Variants in CLEC19A observed in about 807,000 individuals in gnomAD.
The protein encoded by CLEC19A is C-type lectin domain family 19 member A.
A neutral mutation model predicts 26.1 loss-of-function variants in CLEC19A; 21 were observed. That is an observed-to-expected ratio of 0.80 (90% CI 0.57 to 1.16). The LOEUF is 1.16. Among genes scored for constraint, CLEC19A ranks in the 50% most tolerant of loss-of-function variants. CLEC19A has a pLI of 0.00. For missense variants in CLEC19A, 224 were observed against 227.6 expected (o/e 0.98, Z 0.10); for synonymous variants, 89 against 88.6 (o/e 1.00, Z -0.03).
chr16:19,300,519 G>T (rs1231188229), intron 2 of CLEC19A, among the ~76,000 whole-genome samples: 1 of 149,638 alleles, frequency 6.7e-6, no homozygotes, highest in Non-Finnish European at 1.5e-5. Context: ...CTGCACTCCA[G>T]TCTAGGTGAC....
At chr16:19,296,749 C>T (rs1174923719) in intron 1 of CLEC19A, among the ~76,000 whole-genome samples, 3 of 152,184 alleles carry the variant, frequency 2.0e-5, no homozygotes, top group Non-Finnish European at 1.5e-5. Context: ...TCAATGAATG[C>T]TGTTCACTAC....
At chr16:19,287,577 C>T (rs1283240856) in intron 1 of CLEC19A, among the ~76,000 whole-genome samples, 91 of 152,308 alleles carry the variant, frequency 6.0e-4, no homozygotes, top group Non-Finnish European at 1.0e-4. Context: ...ACAAAATATC[C>T]TTGCAGACTG....
chr16:19,286,299 A>T (rs1373366162), intron 1 of CLEC19A, among the ~76,000 whole-genome samples: 1 of 152,256 alleles, frequency 6.6e-6, no homozygotes, highest in Non-Finnish European at 1.5e-5. Flanking sequence ...CTGGCACTAC[A>T]GGAAGATCTG....
intron 1 of CLEC19A, among the ~76,000 whole-genome samples, chr16:19,297,746 A>G (rs1233265433): frequency 6.6e-6 from 1 of 152,226 alleles, no homozygotes; most frequent in Non-Finnish European, 1.5e-5. Flanking sequence ...GTAGAGTACC[A>G]TATAATCACA....
At chr16:19,293,750 C>A (rs1430244045) in intron 1 of CLEC19A, among the ~76,000 whole-genome samples, 3 of 123,246 alleles carry the variant, frequency 2.4e-5, no homozygotes, top group African/African-American at 8.7e-5. Context: ...GCCGCTGCGA[C>A]CAGCCTAATT....
At chr16:19,286,725 A>G (rs1567250400) in intron 1 of CLEC19A, among the ~76,000 whole-genome samples, 2 of 152,144 alleles carry the variant, frequency 1.3e-5, no homozygotes, top group East Asian at 3.8e-4. Flanking sequence ...GTTTATGTTC[A>G]TATATGGATT....
intron 1 of CLEC19A, 43 bp downstream of exon 1, chr16:19,285,982 C>T: frequency 1.3e-6 from 2 of 1,517,668 alleles, no homozygotes; most frequent in East Asian, 2.5e-5. Context: ...GAGAGGAGTA[C>T]ACTCTCAGGA....
intron 1 of CLEC19A, among the ~76,000 whole-genome samples, chr16:19,290,462 G>T (rs1325452490): frequency 6.6e-6 from 1 of 151,504 alleles, no homozygotes. Flanking sequence ...CCAGACCTCT[G>T]CACACACTGT....
At chr16:19,288,464 A>G (rs917060564) in intron 1 of CLEC19A, among the ~76,000 whole-genome samples, 4 of 152,234 alleles carry the variant, frequency 2.6e-5, no homozygotes, top group East Asian at 1.9e-4. Flanking sequence ...GGCACAGGTC[A>G]TGGGTCATTC....
intron 4 of CLEC19A, among the ~76,000 whole-genome samples, chr16:19,308,112 A>C (rs1897995290): frequency 6.6e-6 from 1 of 152,196 alleles, no homozygotes; most frequent in Non-Finnish European, 1.5e-5. Context: ...TTGAATTCAA[A>C]TTCTGGCCCT....
chr16:19,286,561 G>A (rs1238056638), intron 1 of CLEC19A, among the ~76,000 whole-genome samples: 1 of 152,182 alleles, frequency 6.6e-6, no homozygotes, highest in African/African-American at 2.4e-5. Context: ...GGAGGGTGAG[G>A]GTCTTCAAAT....
chr16:19,287,907 G>A (rs1897505929), intron 1 of CLEC19A, among the ~76,000 whole-genome samples: 1 of 152,210 alleles, frequency 6.6e-6, no homozygotes, highest in African/African-American at 2.4e-5. Flanking sequence ...AATTGGCCAG[G>A]AGACAGTTTT....
chr16:19,310,314 T>C lies in CLEC19A; in HGVS notation c.*1231T>C, dbSNP rs528547354. The C allele has an allele frequency of 6.6e-6, 1 of 150,860 alleles. No individual in the cohort carries two copies. The allele number at this position is 150,860 out of a possible 1,614,324, so 9.3% of individuals were successfully genotyped here. A position where few individuals can be genotyped will look rare whatever the true frequency, so the allele number is the denominator to read the frequency against. On this transcript the variant is annotated 3_prime_UTR_variant, in exon 5 of 5. Coordinates refer to ENST00000636231, the MANE Select transcript of CLEC19A (RefSeq NM_001256720.2). ...TAAGACCCCATCTCCATAAGAAAAATTTTTTAATTAGCCAAGCATGGTGAT... is the reference window on the plus strand; with the variant it reads ...TAAGACCCCATCTCCATAAGAAAAACTTTTTAATTAGCCAAGCATGGTGAT...
chr16:19,286,826 G>A (rs1897479910), intron 1 of CLEC19A, among the ~76,000 whole-genome samples: 1 of 152,216 alleles, frequency 6.6e-6, no homozygotes, highest in East Asian at 1.9e-4. Context: ...TTCTCATAAG[G>A]CCAAATTATT....
chr16:19,303,808 T>C (rs1380102430), intron 2 of CLEC19A: 2 of 376,354 alleles, frequency 5.3e-6, no homozygotes, highest in African/African-American at 2.0e-5. Flanking sequence ...GCTAGTGTTT[T>C]TGAGATGGAT....
intron 1 of CLEC19A, among the ~76,000 whole-genome samples, chr16:19,288,101 G>A (rs1056774091): frequency 1.3e-5 from 2 of 152,148 alleles, no homozygotes; most frequent in Admixed American, 6.5e-5. Flanking sequence ...CCATATTAAG[G>A]CTATGGAAAC....
chr16:19,296,884 G>A (rs1328072929), intron 1 of CLEC19A, among the ~76,000 whole-genome samples: 1 of 152,152 alleles, frequency 6.6e-6, no homozygotes, highest in Non-Finnish European at 1.5e-5. Flanking sequence ...CATCTAGTTT[G>A]AAGGTCAAGA....
At chr16:19,288,566 A>G (rs1412863911) in intron 1 of CLEC19A, among the ~76,000 whole-genome samples, 1 of 150,756 alleles carries the variant, frequency 6.6e-6, no homozygotes, top group Non-Finnish European at 1.5e-5. Flanking sequence ...GTTTTGGAGG[A>G]AAAAAAACTT....
intron 4 of CLEC19A, among the ~76,000 whole-genome samples, chr16:19,308,527 A>C (rs546868995): frequency 6.6e-6 from 1 of 152,372 alleles, no homozygotes; most frequent in East Asian, 1.9e-4. Context: ...AATGTTAAGA[A>C]ATAGAAACAA....
Sources: gnomAD v4.1 joint callset for allele counts (sites outside exome capture counted in the v4.1 genomes callset) on GRCh38, gnomAD v4.1.1 for gene constraint, MANE v1.5 for transcripts, NCBI Gene and HGNC (gene_info 2026-07-23, HGNC 2026-07-21) for gene names.